CCDC82: variants seen among roughly 807,000 people sequenced by gnomAD.
CCDC82 encodes coiled-coil domain containing 82.
In CCDC82, 47 loss-of-function variants were observed where a neutral mutation model predicts 60.6. That is an observed-to-expected ratio of 0.77 (90% confidence interval 0.61 to 0.99). The LOEUF is 0.99. Ranked by LOEUF, CCDC82 falls within the 50% of genes least tolerant of loss-of-function variation. The pLI is 0.00. For synonymous variants in CCDC82, 212 were observed against 207.4 expected (o/e 1.02, Z -0.19); for missense variants, 588 against 633.0 (o/e 0.93, Z 0.76).
Position 96,383,934 on chromosome 11 carries a change from A to G in CCDC82, c.786+28T>C, listed in dbSNP as rs3748260. 3.3e-4 allele frequency: 520 copies of G among 1,555,124 alleles called. 3 individuals are homozygous for G. In the East Asian group the frequency reaches 0.011, roughly 33 times the overall value. On this transcript the variant is annotated intron_variant, in intron 4 of 9. Transcript: ENST00000646818. ...ACTTTAAGAAAAAAACTGAAAAACA[A>G]TAACAAATCCAACAAAATATAACAC...
chr11:96,384,483 T>C lies in CCDC82; in HGVS notation c.265A>G (p.Lys89Glu). The change falls in exon 4 of 10, where the codon AAA (lysine) becomes GAA (glutamate). Residue 89 changes from lysine to glutamate, a missense_variant. Transcript: ENST00000646818. ...PGSERELNLS[K>E]IQSEGNDSKC... is the part of the protein sequence containing the mutation. ...CTGTCATTTCCTTCACTTTGAATTT[T>C]ACTTAAGTTGAGCTCTCTTTCACTT... 1 of 1,613,878 alleles carries C rather than the reference T, an allele frequency of 6.2e-7. No homozygotes were observed. Among genetic ancestry groups the C allele is most frequent in the Non-Finnish European group, 8.5e-7 (1 of 1,179,844 alleles).
At chr11:96,358,678 A>G (rs1207089740) in intron 9 of CCDC82, 1 of 1,272,418 alleles carries the variant, frequency 7.9e-7, no homozygotes, top group Admixed American at 4.2e-5. Flanking sequence ...AAAAAAAAAA[A>G]AAAAATCAGG....
At chr11:96,361,050 T>C (rs1167462170) in intron 8 of CCDC82, among the ~76,000 whole-genome samples, 1 of 152,228 alleles carries the variant, frequency 6.6e-6, no homozygotes, top group Non-Finnish European at 1.5e-5. Context: ...ATCAAAGCAG[T>C]CCTGGTAGTA....
intron 5 of CCDC82, among the ~76,000 whole-genome samples, chr11:96,379,747 T>C (rs1289251882): frequency 1.3e-5 from 2 of 151,834 alleles, no homozygotes; most frequent in East Asian, 1.9e-4. Context: ...TTTGTTCCTA[T>C]TGAGCCTGAG....
chr11:96,383,454 C>A lies in CCDC82; in HGVS notation c.806G>T (p.Cys269Phe), dbSNP rs746935562. The change falls in exon 5 of 10, where the codon TGC becomes TTC. Residue 269 changes from cysteine (C) to phenylalanine (F), a missense_variant. Cys to Phe is a radical substitution (Grantham distance 205). Transcript: ENST00000646818. ...CTCATCAACTTCATCACTGCTTGGG[C>A]AAGATTCCTTTTCAGAGTCCTAATT... ...RDFEDSEKES[C>F]PSSDEVDEEE... is the part of the protein sequence containing the mutation. 6 of 1,602,594 alleles carry A rather than the reference C, an allele frequency of 3.7e-6. No homozygotes were observed. The South Asian group carries it at 6.7e-5, about 18-fold the overall frequency.
intron 7 of CCDC82, among the ~76,000 whole-genome samples, chr11:96,367,814 G>A (rs1865026761): frequency 7.3e-6 from 1 of 136,684 alleles, no homozygotes; most frequent in Admixed American, 7.5e-5. Context: ...CTTATGAAAT[G>A]TATTTCTTTT....
chr11:96,385,389 T>C (rs2136216480), intron 3 of CCDC82: 1 of 152,524 alleles, frequency 6.6e-6, no homozygotes, highest in East Asian at 1.9e-4. Context: ...AATAGAAAAC[T>C]GAATGGGATT....
chr11:96,383,900 A>G, intron 4 of CCDC82, 62 bp downstream of exon 4: 1 of 1,457,248 alleles, frequency 6.9e-7, no homozygotes, highest in Non-Finnish European at 9.2e-7. Flanking sequence ...TTTTTTATAA[A>G]AATTAAATAC....
At chr11:96,389,000 C>T (rs1866373805) in intron 1 of CCDC82, 1 of 152,196 alleles carries the variant, frequency 6.6e-6, no homozygotes. Context: ...ACACCAAAAA[C>T]AAGCCAGCAT....
intron 5 of CCDC82, among the ~76,000 whole-genome samples, chr11:96,380,092 A>G (rs1865789910): frequency 6.6e-6 from 1 of 151,810 alleles, no homozygotes; most frequent in Non-Finnish European, 1.5e-5. Flanking sequence ...CCTGGTTAAT[A>G]TAAGAACTAA....
intron 8 of CCDC82, chr11:96,363,776 CATTTG>C (rs1864798006): frequency 6.6e-6 from 1 of 152,074 alleles, no homozygotes; most frequent in South Asian, 2.1e-4. Context: ...TGCATTTTAT[CATTTG>C]ATTTGAGAAT....
At chr11:96,373,648 A>G (rs1865407937) in intron 5 of CCDC82, among the ~76,000 whole-genome samples, 181 bp from the exon 6 acceptor site, 1 of 152,150 alleles carries the variant, frequency 6.6e-6, no homozygotes, top group African/African-American at 2.4e-5. Context: ...CCATTTTCCA[A>G]ACTTACTGGC....
chr11:96,377,580 ACTG>A (rs1865655901), intron 5 of CCDC82, among the ~76,000 whole-genome samples: 1 of 152,180 alleles, frequency 6.6e-6, no homozygotes, highest in Non-Finnish European at 1.5e-5. Context: ...TTTTTTAACA[ACTG>A]CTTTTCTTAA....
At position 96,383,297 on chromosome 11, in the gene CCDC82, T is replaced by G. The variant is rs1340308995; in HGVS notation, c.963A>C (p.Gln321His). Reference protein sequence around the residue: ...NQQGEKLTTSQLKLVKQNSLY... With the variant: ...NQQGEKLTTSHLKLVKQNSLY... ...GAGAATTCTGTTTTACTAATTTCAGTTGTGATGTAGTCAATTTTTCTCCTT... is the reference window on the plus strand; with the variant it reads ...GAGAATTCTGTTTTACTAATTTCAGGTGTGATGTAGTCAATTTTTCTCCTT... Residue 321 changes from glutamine to histidine, a missense_variant, in exon 5 of 10, where the codon CAA becomes CAC. Physicochemically the swap from Gln to His is conservative, Grantham distance 24. Transcript: ENST00000646818. 1.9e-6 allele frequency: 3 copies of G among 1,596,278 alleles called. No individual in the cohort carries two copies. The highest frequency in any genetic ancestry group is 2.6e-6 in the Non-Finnish European group (3 of 1,165,012).
chr11:96,370,686 CCT>C (rs796155120), intron 7 of CCDC82, among the ~76,000 whole-genome samples: 13 of 152,228 alleles, frequency 8.5e-5, no homozygotes, highest in African/African-American at 2.2e-4. Flanking sequence ...GCTTACAACC[CCT>C]GATTCTCAAA....
chr11:96,359,641 G>GT (rs1491250751), intron 8 of CCDC82, among the ~76,000 whole-genome samples: 4 of 11,586 alleles, frequency 3.5e-4, no homozygotes, highest in Admixed American at 8.4e-4. Flanking sequence ...GATGGGCAAA[G>GT]TAAAAAAAAA....
chr11:96,360,947 C>T (rs570361123), intron 8 of CCDC82, among the ~76,000 whole-genome samples: 22 of 152,250 alleles, frequency 1.4e-4, no homozygotes, highest in Non-Finnish European at 2.6e-4. Context: ...TTCATGGCTC[C>T]GTAAAAACCT....
At position 96,365,076 on chromosome 11, in the gene CCDC82, T is replaced by C; in HGVS notation, c.1284A>G (p.Gly428=). The C allele has an allele frequency of 6.2e-7, 1 of 1,608,664 alleles. No homozygotes were observed. Among genetic ancestry groups the C allele is most frequent in the Non-Finnish European group, 8.5e-7 (1 of 1,177,106 alleles). The change falls in exon 8 of 10, where the codon GGA becomes GGG. Residue 428 remains glycine, a synonymous_variant. Transcript: ENST00000646818. Reference sequence around the variant, plus strand: ...CTGAATATTTACAGTAGCGATGCAGTCCACAAGCCTGGCAGGAACAGTTTT... The same window carrying C: ...CTGAATATTTACAGTAGCGATGCAGCCCACAAGCCTGGCAGGAACAGTTTT... ...NPENCSCQAC[G]LHRYCKYSVH...
At chr11:96,379,170 T>C (rs1024253792) in intron 5 of CCDC82, among the ~76,000 whole-genome samples, 2 of 151,930 alleles carry the variant, frequency 1.3e-5, no homozygotes, top group Admixed American at 6.6e-5. Context: ...ATTCATCACA[T>C]AGGTTACTGT....
Sources: gnomAD v4.1 joint callset for allele counts (sites outside exome capture counted in the v4.1 genomes callset) on GRCh38, gnomAD v4.1.1 for gene constraint, MANE v1.5 for transcripts, NCBI Gene and HGNC (gene_info 2026-07-23, HGNC 2026-07-21) for gene names.